Variants in FANCA observed in about 807,000 individuals in gnomAD.
FANCA encodes Fanconi anemia group A protein.
Under a neutral mutation model 194.3 loss-of-function variants are expected in FANCA, and 236 were observed. The observed-to-expected ratio is 1.21, with a 90% confidence interval of 1.09 to 1.35. FANCA has a LOEUF of 1.35. Ranked by LOEUF, FANCA falls within the 40% of genes most tolerant of loss-of-function variation. The pLI, the probability that FANCA is intolerant of heterozygous loss-of-function variation, is 0.00. For synonymous variants in FANCA, 1,014 were observed against 715.8 expected (o/e 1.42, Z -6.65); for missense variants, 2,628 against 1,813.9 (o/e 1.45, Z -8.15).
At chr16:89,794,186 T>G (rs987332143) in intron 11 of FANCA, among the ~76,000 whole-genome samples, 2 of 152,366 alleles carry the variant, frequency 1.3e-5, no homozygotes, top group Non-Finnish European at 2.9e-5. Context: ...GGTTACTTAC[T>G]TGTAATGCTT....
chr16:89,789,687 C>A (rs1251009536), intron 14 of FANCA, among the ~76,000 whole-genome samples: 5 of 152,072 alleles, frequency 3.3e-5, no homozygotes, highest in African/African-American at 1.2e-4. Context: ...AATCCTCCTG[C>A]CTAGGCCTCC....
chr16:89,791,343 C>T (rs1396880646), intron 14 of FANCA, 60 bp downstream of exon 14: 1 of 1,594,896 alleles, frequency 6.3e-7, no homozygotes, highest in Non-Finnish European at 8.5e-7. Flanking sequence ...CAGCATGGTC[C>T]CCACTCCCAG....
chr16:89,754,223 GAA>G (rs745313216), intron 30 of FANCA, among the ~76,000 whole-genome samples: 1 of 110,870 alleles, frequency 9.0e-6, no homozygotes, highest in Non-Finnish European at 1.7e-5. Flanking sequence ...CTCCGTCTCA[GAA>G]AAAAAAAAAC....
chr16:89,784,342 G>C (rs1473064393), intron 15 of FANCA, among the ~76,000 whole-genome samples: 5 of 137,430 alleles, frequency 3.6e-5, no homozygotes, highest in African/African-American at 5.6e-5. Context: ...CTGCACTCTA[G>C]CCTAGGCAAC....
rs2039805884 is a variant in FANCA at position 89,783,823 on chromosome 16, G to T, written c.1471-721C>A. On this transcript the variant is annotated intron_variant, in intron 15 of 42. Transcript: ENST00000389301. The stretch of plus-strand genomic sequence containing the variant: ...TTATTGCCCAGGCTGGAGTGCAATG[G>T]TGCAGTCTCGGCTCACTGCAACCTC... 2.6e-5 allele frequency among the ~76,000 whole-genome samples: 4 copies of T among 152,034 alleles called. 1 individual carries two copies. In the South Asian group the frequency reaches 8.3e-4, roughly 32 times the overall value.
chr16:89,739,702 G>C (rs536790026), intron 39 of FANCA, 149 bp from the exon 40 acceptor site: 10 of 1,507,070 alleles, frequency 6.6e-6, no homozygotes, highest in Non-Finnish European at 8.0e-6. Context: ...GGATACCCAG[G>C]TACCTGTCAG....
chr16:89,813,466 C>G (rs1004911435), intron 3 of FANCA, among the ~76,000 whole-genome samples: 6 of 151,688 alleles, frequency 4.0e-5, no homozygotes, highest in Admixed American at 2.0e-4. Context: ...GAGTTTTGCT[C>G]TTATTGCCCA....
intron 20 of FANCA, chr16:89,778,380 T>G (rs541819769): frequency 2.7e-6 from 1 of 376,198 alleles, no homozygotes; most frequent in Non-Finnish European, 5.1e-6. Flanking sequence ...GCAGGACAAT[T>G]GCTCCAACCC....
chr16:89,776,047 A>G (rs1301634136), intron 20 of FANCA, among the ~76,000 whole-genome samples: 1 of 151,556 alleles, frequency 6.6e-6, no homozygotes, highest in African/African-American at 2.4e-5. Context: ...AAGGAGCTAG[A>G]CCACAAAATA....
At chr16:89,790,806 C>T (rs1004436288) in intron 14 of FANCA, among the ~76,000 whole-genome samples, 3 of 151,280 alleles carry the variant, frequency 2.0e-5, no homozygotes, top group African/African-American at 7.3e-5. Flanking sequence ...ACTTCTGTGT[C>T]CCCTCTTTCC....
chr16:89,765,432 G>A (rs577344065), intron 27 of FANCA, among the ~76,000 whole-genome samples: 6 of 152,354 alleles, frequency 3.9e-5, no homozygotes, highest in African/African-American at 9.6e-5. Context: ...GCCCCTCAGC[G>A]ATCATGGCTG....
intron 28 of FANCA, among the ~76,000 whole-genome samples, chr16:89,764,167 A>T (rs1005988235): frequency 2.0e-5 from 3 of 148,258 alleles, no homozygotes; most frequent in Non-Finnish European, 4.5e-5. Context: ...GCTTGAACCC[A>T]GGAGGCAGAG....
At chr16:89,813,806 C>CTG (rs71137678) in intron 3 of FANCA, among the ~76,000 whole-genome samples, 27,640 of 149,132 alleles carry the variant, frequency 0.19, 2,548 homozygotes, top group Middle Eastern at 0.3. Context: ...AAGTCTTTTA[C>CTG]TGTGTGTGTG....
At chr16:89,774,160 T>A (rs1291466931) in intron 21 of FANCA, among the ~76,000 whole-genome samples, 1 of 152,052 alleles carries the variant, frequency 6.6e-6, no homozygotes, top group African/African-American at 2.4e-5. Flanking sequence ...GACACAAGCA[T>A]GAAAATGCAC....
At position 89,785,070 on chromosome 16, in the gene FANCA, G is replaced by C. The variant is rs530272203; in HGVS notation, c.1360-106C>G. 7 of 785,630 alleles carry C rather than the reference G, an allele frequency of 8.9e-6. No homozygotes were observed. The Admixed American group carries it at 9.7e-5, about 11-fold the overall frequency. 48.7% of individuals were successfully genotyped at this position (785,630 alleles called of 1,614,324 possible). ...AGCGTGAAGCCCAGGACAGCCAGGC[G>C]CAGCTGCACCACCTAGGCAGTGTCC... On this transcript the variant is annotated intron_variant, in intron 14 of 42. Transcript: ENST00000389301.
chr16:89,744,643 AGAC>A (rs1175628040), intron 36 of FANCA: 1 of 388,866 alleles, frequency 2.6e-6, no homozygotes, highest in Non-Finnish European at 4.9e-6. Flanking sequence ...TTCCTCACTC[AGAC>A]GAGACACTGG....
chr16:89,801,701 A>G (rs1472868412), intron 8 of FANCA, among the ~76,000 whole-genome samples: 2 of 152,104 alleles, frequency 1.3e-5, no homozygotes, highest in African/African-American at 4.8e-5. Flanking sequence ...CATCCTAGCC[A>G]ACAGAGTGAA....
chr16:89,745,385 G>A (rs1650178614), intron 35 of FANCA, among the ~76,000 whole-genome samples: 1 of 151,684 alleles, frequency 6.6e-6, no homozygotes, highest in Non-Finnish European at 1.5e-5. Flanking sequence ...CCTGAGCTGG[G>A]AATGAAACAG....
At chr16:89,775,888 T>G in intron 20 of FANCA, 73 bp from the exon 21 acceptor site, 1 of 905,176 alleles carries the variant, frequency 1.1e-6, no homozygotes, top group East Asian at 2.8e-5. Context: ...TCCCCAAATC[T>G]ATTATAAAAT....
Sources: gnomAD v4.1 joint callset for allele counts (sites outside exome capture counted in the v4.1 genomes callset) on GRCh38, gnomAD v4.1.1 for gene constraint, MANE v1.5 for transcripts, NCBI Gene and HGNC (gene_info 2026-07-23, HGNC 2026-07-21) for gene names.